Variants in MEF2A observed in about 807,000 individuals in gnomAD.
The protein encoded by MEF2A is myocyte enhancer factor 2A.
MEF2A carries 28 observed loss-of-function variants against 55.8 expected under a neutral mutation model. The ratio of observed to expected loss-of-function variants is 0.50; its 90% CI spans 0.37 to 0.69. The LOEUF is 0.69. Ranked by LOEUF, MEF2A falls within the 30% of genes least tolerant of loss-of-function variation. The probability of loss-of-function intolerance (pLI) is 0.00; values close to 1 mark genes in which losing one functional copy is unlikely to be tolerated. For synonymous variants in MEF2A, 239 were observed against 227.1 expected (o/e 1.05, Z -0.47); for missense variants, 528 against 626.2 (o/e 0.84, Z 1.67).
In MEF2A at chr15:99,622,702, C is replaced by CTTTTTTTTTTTTTTTTTT. The variant is rs56054040; in HGVS notation, c.-142-10265_-142-10264insTTTTTTTTTTTTTTTTTT. On this transcript the variant is annotated intron_variant, in intron 2 of 11. Transcript: ENST00000557942. ...ATCCTTCTTTAGGATGTTTTCTTTT[C>CTTTTTTTTTTTTTTTTTT]TTTTTTTTTTTCTTTTTTGAGATGG... Among the ~76,000 whole-genome samples the CTTTTTTTTTTTTTTTTTT allele has an allele frequency of 5.9e-5, 8 of 135,696 alleles. 1 individual carries two copies. The highest frequency in any genetic ancestry group is 2.3e-4 in the South Asian group (1 of 4,426). 89.0% of individuals were successfully genotyped at this position (135,696 alleles called of 152,430 possible).
intron 2 of MEF2A, among the ~76,000 whole-genome samples, chr15:99,606,307 A>G (rs1342306333): frequency 2.0e-5 from 3 of 152,180 alleles, no homozygotes; most frequent in African/African-American, 4.8e-5. Flanking sequence ...GCTAATATAG[A>G]TGAACAGGTT....
At chr15:99,569,807 T>A (rs1961331310) in intron 1 of MEF2A, among the ~76,000 whole-genome samples, 1 of 152,100 alleles carries the variant, frequency 6.6e-6, no homozygotes, top group Admixed American at 6.5e-5. Context: ...CTTTAGTTAA[T>A]CTGTAATTTT....
chr15:99,700,395 C>T (rs993074350), intron 8 of MEF2A, among the ~76,000 whole-genome samples: 3 of 151,400 alleles, frequency 2.0e-5, no homozygotes, highest in Non-Finnish European at 4.4e-5. Flanking sequence ...CCCCATAGTC[C>T]CAGCTACTTG....
At chr15:99,623,702 A>G (rs893671895) in intron 2 of MEF2A, among the ~76,000 whole-genome samples, 3 of 151,852 alleles carry the variant, frequency 2.0e-5, no homozygotes, top group African/African-American at 7.3e-5. Context: ...CTTTGGTGCA[A>G]TGTCTATTCA....
intron 8 of MEF2A, among the ~76,000 whole-genome samples, chr15:99,700,213 CAT>C (rs2057214154): frequency 3.6e-5 from 5 of 139,006 alleles, no homozygotes; most frequent in African/African-American, 1.3e-4. Context: ...CACACACACA[CAT>C]ATGTACGTAT....
At chr15:99,658,217 A>T (rs2153555991) in intron 4 of MEF2A, among the ~76,000 whole-genome samples, 1 of 152,320 alleles carries the variant, frequency 6.6e-6, no homozygotes, top group Non-Finnish European at 1.5e-5. Flanking sequence ...AGTAGGAAAC[A>T]GGAAGTTATA....
chr15:99,588,755 TTTTG>T (rs1968265697), intron 1 of MEF2A, among the ~76,000 whole-genome samples: 1 of 151,976 alleles, frequency 6.6e-6, no homozygotes, highest in African/African-American at 2.4e-5. Context: ...TTTGCTGAGT[TTTTG>T]TTTTTGTTTT....
At chr15:99,592,196 C>T (rs1969532929) in intron 1 of MEF2A, among the ~76,000 whole-genome samples, 1 of 152,082 alleles carries the variant, frequency 6.6e-6, no homozygotes, top group African/African-American at 2.4e-5. Context: ...TAGGTTAGCA[C>T]GCGGCGGTGC....
intron 3 of MEF2A, among the ~76,000 whole-genome samples, chr15:99,644,653 T>G (rs972534506): frequency 6.6e-6 from 1 of 152,242 alleles, no homozygotes; most frequent in Admixed American, 6.5e-5. Context: ...TTCCAAAGAT[T>G]ATTCAAAAGT....
intron 1 of MEF2A, among the ~76,000 whole-genome samples, chr15:99,578,446 A>C (rs1010125593): frequency 6.6e-6 from 1 of 152,188 alleles, no homozygotes; most frequent in African/African-American, 2.4e-5. Context: ...TCTGGTACTG[A>C]AAAGTTTCTG....
chr15:99,613,431 A>G (rs1325247668), intron 2 of MEF2A, among the ~76,000 whole-genome samples: 3 of 152,244 alleles, frequency 2.0e-5, no homozygotes. Context: ...CAATCTAAAC[A>G]ATACACACTT....
At chr15:99,583,046 T>A (rs561252521) in intron 1 of MEF2A, among the ~76,000 whole-genome samples, 4 of 152,264 alleles carry the variant, frequency 2.6e-5, no homozygotes, top group Admixed American at 2.0e-4. Context: ...AAACTAATAC[T>A]TTAGGAGTGT....
intron 7 of MEF2A, among the ~76,000 whole-genome samples, chr15:99,676,061 A>G (rs752180066): frequency 3.3e-5 from 5 of 152,070 alleles, no homozygotes; most frequent in South Asian, 2.1e-4. Context: ...AATTATGGAG[A>G]TGATTGAATG....
At chr15:99,657,433 T>C (rs2047926560) in intron 4 of MEF2A, 1 of 152,066 alleles carries the variant, frequency 6.6e-6, no homozygotes, top group African/African-American at 2.4e-5. Flanking sequence ...TCAACTCTTC[T>C]GTTGAAGACA....
intron 10 of MEF2A, among the ~76,000 whole-genome samples, chr15:99,708,453 G>A (rs1466657610): frequency 1.3e-5 from 2 of 152,158 alleles, no homozygotes; most frequent in African/African-American, 2.4e-5. Flanking sequence ...TTTTTTAAAA[G>A]TATAAAAGAA....
chr15:99,620,765 G>A (rs865875429), intron 2 of MEF2A: 2 of 151,760 alleles, frequency 1.3e-5, no homozygotes, highest in African/African-American at 2.4e-5. Flanking sequence ...CCAAACTGCT[G>A]TGCACAGTGG....
At chr15:99,665,969 A>T (rs1036652879) in intron 4 of MEF2A, among the ~76,000 whole-genome samples, 5 of 152,208 alleles carry the variant, frequency 3.3e-5, no homozygotes, top group African/African-American at 1.2e-4. Context: ...AGAAATGGGA[A>T]CACTTTTATA....
At chr15:99,701,171 G>A (rs949110212) in intron 8 of MEF2A, among the ~76,000 whole-genome samples, 4 of 152,194 alleles carry the variant, frequency 2.6e-5, no homozygotes, top group African/African-American at 9.7e-5. Context: ...GAGAATCCTG[G>A]AAAACACTGC....
chr15:99,567,809 T>G (rs575523742), intron 1 of MEF2A, among the ~76,000 whole-genome samples: 1 of 152,308 alleles, frequency 6.6e-6, no homozygotes, highest in East Asian at 1.9e-4. Flanking sequence ...TCATAAAACA[T>G]TAAGATCAGT....
Sources: allele counts gnomAD v4.1 joint callset (sites outside exome capture counted in the v4.1 genomes callset), GRCh38; gene constraint gnomAD v4.1.1; transcripts MANE v1.5; gene names NCBI Gene and HGNC (gene_info 2026-07-23, HGNC 2026-07-21).